Variants in C1orf141 observed in about 807,000 individuals in gnomAD.
The protein encoded by C1orf141 is chromosome 1 open reading frame 141.
In C1orf141, 19 loss-of-function variants were observed where a neutral mutation model predicts 23.2. That is an observed-to-expected ratio of 0.82 (90% CI 0.57 to 1.20). C1orf141 has a LOEUF of 1.20. Ranked by LOEUF, C1orf141 falls within the 50% of genes most tolerant of loss-of-function variation. The probability of loss-of-function intolerance (pLI) is 0.00; values close to 1 mark genes in which losing one functional copy is unlikely to be tolerated. For missense variants in C1orf141, 469 were observed against 455.1 expected (o/e 1.03, Z -0.28); for synonymous variants, 153 against 154.6 (o/e 0.99, Z 0.08).
At chr1:67,115,561 A>G in intron 4 of C1orf141, 97 bp from the exon 5 acceptor site, 5 of 560,828 alleles carry the variant, frequency 8.9e-6, no homozygotes, top group Non-Finnish European at 1.3e-5. Flanking sequence ...TCCTAGTTAT[A>G]CAGACTTGGA....
chr1:67,135,432 G>A (rs10489631), upstream of C1orf141, among the ~76,000 whole-genome samples: 74,166 of 152,020 alleles, frequency 0.49, 18,652 homozygotes, highest in South Asian at 0.63. Context: ...TATTTCCAAG[G>A]CCAAGAAACC....
intron 1 of C1orf141, among the ~76,000 whole-genome samples, chr1:67,134,288 G>A (rs982638692): frequency 2.6e-5 from 4 of 151,304 alleles, no homozygotes; most frequent in Non-Finnish European, 5.9e-5. Context: ...ACAGGCGTAA[G>A]CCAACGCGCC....
In C1orf141 at chr1:67,128,040, AT is replaced by A. The variant is rs1646449478; in HGVS notation, c.-17-784del. ...TATATAATTAATTGCTTCAAATTAAATTGGTCAATGATCCAAGACTGTTAAC... is the reference window on the plus strand; with the variant it reads ...TATATAATTAATTGCTTCAAATTAAATGGTCAATGATCCAAGACTGTTAAC... On this transcript the variant is annotated intron_variant, in intron 2 of 7. Transcript: ENST00000684719. Among the ~76,000 whole-genome samples, 3 of 152,350 alleles carry A rather than the reference AT, an allele frequency of 2.0e-5. No homozygotes were observed. In the South Asian group the frequency reaches 6.2e-4, roughly 32 times the overall value.
rs190566880 is a variant in C1orf141, at chr1:67,134,130, A to T, written c.-104+800T>A. ...GCGATTCTCCTGCCTCAGCCTCCCC[A>T]GTAGGTGGGACTACAGGCGCCCACC... On this transcript the variant is annotated intron_variant, in intron 1 of 7. Transcript: ENST00000684719. 3.2e-3 allele frequency among the ~76,000 whole-genome samples: 487 copies of T among 152,238 alleles called. 3 individuals are homozygous for T. The highest frequency in any genetic ancestry group is 0.011 in the African/African-American group (461 of 41,562).
upstream of C1orf141, among the ~76,000 whole-genome samples, chr1:67,139,720 T>A (rs1646617619): frequency 6.6e-6 from 1 of 152,174 alleles, no homozygotes. Flanking sequence ...TTATATTTTT[T>A]AAAATAAAGA....
At chr1:67,125,984 GA>G (rs558254980) in intron 3 of C1orf141, 75 bp from the exon 4 acceptor site, 45 of 1,388,396 alleles carry the variant, frequency 3.2e-5, no homozygotes, top group African/African-American at 1.1e-4. Context: ...TAGGTGGAAA[GA>G]AAAAAAATCT....
In C1orf141 at chr1:67,106,655, C is replaced by T. The variant is rs565785537; in HGVS notation, c.346+8697G>A. 1.9e-4 allele frequency among the ~76,000 whole-genome samples: 29 copies of T among 152,214 alleles called. No homozygotes were observed. The South Asian group carries it at 5.6e-3, about 29-fold the overall frequency. On this transcript the variant is annotated intron_variant, in intron 5 of 7. Transcript: ENST00000684719. ...CCTGGGTGACAGAGCACGACTTCAT[C>T]TAACAAACAAAAACAGAAACCAGCC...
chr1:67,135,683 T>G (rs778463885), upstream of C1orf141, among the ~76,000 whole-genome samples: 8 of 152,128 alleles, frequency 5.3e-5, no homozygotes, highest in Non-Finnish European at 8.8e-5. Flanking sequence ...AATGACTGAC[T>G]TGAAAACAGC....
At chr1:67,124,599 G>T (rs532112317) in intron 4 of C1orf141, among the ~76,000 whole-genome samples, 10 of 152,128 alleles carry the variant, frequency 6.6e-5, no homozygotes, top group Non-Finnish European at 1.3e-4. Context: ...GATTACAGGC[G>T]TGAGCCACCA....
chr1:67,108,002 C>G (rs1306677564), intron 5 of C1orf141, among the ~76,000 whole-genome samples: 3 of 152,242 alleles, frequency 2.0e-5, no homozygotes, highest in South Asian at 2.1e-4. Context: ...TGGTTGAGAA[C>G]TCTGCCATAT....
chr1:67,103,993 A>C (rs1165445831), intron 5 of C1orf141, among the ~76,000 whole-genome samples: 1 of 152,142 alleles, frequency 6.6e-6, no homozygotes, highest in Non-Finnish European at 1.5e-5. Flanking sequence ...TTTAGAACCC[A>C]TATGTTTTTC....
Position 67,134,730 on chromosome 1 carries a change from G to C in C1orf141, c.-104+200C>G, listed in dbSNP as rs76242423. ...TTCCGCGAACCTGGAAGAGCCCCCC[G>C]GGCTCGCCTCTCGCCGCGGTCCCAC... On this transcript the variant is annotated intron_variant, in intron 1 of 7. Transcript: ENST00000684719. 7.4e-3 allele frequency among the ~76,000 whole-genome samples: 1,123 copies of C among 152,230 alleles called. 5 individuals are homozygous for C. Among genetic ancestry groups the C allele is most frequent in the Non-Finnish European group, 0.012 (786 of 68,008 alleles).
chr1:67,116,309 T>G (rs1646192600), intron 4 of C1orf141, among the ~76,000 whole-genome samples: 1 of 152,154 alleles, frequency 6.6e-6, no homozygotes, highest in Non-Finnish European at 1.5e-5. Flanking sequence ...TCTCTCTTTT[T>G]CCACTCCCAA....
chr1:67,114,398 G>A (rs1346431732), intron 5 of C1orf141, among the ~76,000 whole-genome samples: 2 of 151,880 alleles, frequency 1.3e-5, no homozygotes, highest in Non-Finnish European at 2.9e-5. Context: ...AAGATAATAA[G>A]ACACATAAGG....
chr1:67,101,024 C>G (rs1006689697), intron 5 of C1orf141, among the ~76,000 whole-genome samples: 1 of 151,696 alleles, frequency 6.6e-6, no homozygotes, highest in Non-Finnish European at 1.5e-5. Flanking sequence ...TTTTATCTCT[C>G]TCTTTGGGTA....
At chr1:67,124,306 T>C (rs1646360064) in intron 4 of C1orf141, among the ~76,000 whole-genome samples, 1 of 152,020 alleles carries the variant, frequency 6.6e-6, no homozygotes, top group Non-Finnish European at 1.5e-5. Context: ...GCAAATGTCA[T>C]AGTTTGTTTG....
In C1orf141 at chr1:67,092,985, A is replaced by G. The variant is rs1338440315; in HGVS notation, c.*20T>C. The G allele has an allele frequency of 6.5e-7, 1 of 1,527,674 alleles. No individual in the cohort carries two copies. Among genetic ancestry groups the G allele is most frequent in the Non-Finnish European group, 8.9e-7 (1 of 1,128,054 alleles). The allele number at this position is 1,527,674 out of a possible 1,614,324, so 94.6% of individuals were successfully genotyped here. A position where few individuals can be genotyped will look rare whatever the true frequency, so the allele number is the denominator to read the frequency against. ...GATATTTGCTTCTTGTTACTCAAATATTGCTGCATACATAATATTTTATGA... is the reference window on the plus strand; with the variant it reads ...GATATTTGCTTCTTGTTACTCAAATGTTGCTGCATACATAATATTTTATGA... On this transcript the variant is annotated 3_prime_UTR_variant, in exon 8 of 8. Coordinates refer to ENST00000684719, the MANE Select transcript of C1orf141 (RefSeq NM_001276351.2).
At chr1:67,114,618 C>T (rs149606884) in intron 5 of C1orf141, among the ~76,000 whole-genome samples, 2 of 152,246 alleles carry the variant, frequency 1.3e-5, no homozygotes, top group East Asian at 1.9e-4. Context: ...GAAGGCAACA[C>T]GAAAAGCTCA....
intron 6 of C1orf141, chr1:67,095,871 T>G (rs1645668351): frequency 5.6e-6 from 1 of 180,018 alleles, no homozygotes; most frequent in Admixed American, 6.1e-5. Context: ...TCATTATTGA[T>G]TCAAACAAAG....
Sources: gnomAD v4.1 joint callset for allele counts (sites outside exome capture counted in the v4.1 genomes callset) on GRCh38, gnomAD v4.1.1 for gene constraint, MANE v1.5 for transcripts, NCBI Gene and HGNC (gene_info 2026-07-23, HGNC 2026-07-21) for gene names.